The following NDUFAF6 variants were observed in gnomAD, a reference collection of about 807,000 sequenced individuals.
NDUFAF6 encodes the protein NADH dehydrogenase (ubiquinone) complex I, assembly factor 6.
NDUFAF6 carries 45 observed loss-of-function variants against 40.8 expected under a neutral mutation model. The ratio of observed to expected loss-of-function variants is 1.10; its 90% CI spans 0.87 to 1.42. The LOEUF is 1.42. Among genes scored for constraint, NDUFAF6 ranks in the 40% most tolerant of loss-of-function variants. NDUFAF6 has a pLI of 0.00. For synonymous variants in NDUFAF6, 185 were observed against 155.9 expected (o/e 1.19, Z -1.39); for missense variants, 435 against 418.5 (o/e 1.04, Z -0.34).
chr8:94,999,210 G>A (rs1260976919), intron 2 of NDUFAF6, among the ~76,000 whole-genome samples: 6 of 144,884 alleles, frequency 4.1e-5, no homozygotes, highest in Admixed American at 7.1e-5. Flanking sequence ...TGCAACCTCC[G>A]CCTCCCTGGT....
At chr8:94,992,888 C>T (rs1474467061) in intron 2 of NDUFAF6, among the ~76,000 whole-genome samples, 3 of 152,204 alleles carry the variant, frequency 2.0e-5, no homozygotes, top group Non-Finnish European at 2.9e-5. Flanking sequence ...GAACCCCAAA[C>T]CACAAGGAGT....
At chr8:95,028,897 C>T (rs1404549469) in intron 1 of NDUFAF6, among the ~76,000 whole-genome samples, 2 of 152,162 alleles carry the variant, frequency 1.3e-5, no homozygotes, top group Non-Finnish European at 2.9e-5. Flanking sequence ...AGCTGCTTTG[C>T]CTTCGCTGTC....
intron 1 of NDUFAF6, chr8:94,932,066 T>A (rs1327747428): frequency 6.2e-7 from 1 of 1,609,460 alleles, no homozygotes; most frequent in Admixed American, 1.7e-5. Context: ...GTGAATATAC[T>A]TACTCTGTGC....
rs545447695 is a variant in NDUFAF6 at position 95,081,922 on chromosome 8, C to T, written n.213+6170C>T. 1.7e-4 allele frequency among the ~76,000 whole-genome samples: 26 copies of T among 152,228 alleles called. No homozygotes were observed. The South Asian group carries it at 5.0e-3, about 29-fold the overall frequency. On this transcript the variant is annotated intron_variant and non_coding_transcript_variant, in intron 2 of 5. Coordinates refer to the NDUFAF6 transcript ENST00000523184. ...TAAAAAATCCAAAAATAAAATTAGC[C>T]GGGCGTGGTGGCGGGCACCTGTAAT...
intron 2 of NDUFAF6, among the ~76,000 whole-genome samples, chr8:95,092,021 A>C (rs1384182803): frequency 6.7e-6 from 1 of 149,402 alleles, no homozygotes; most frequent in Non-Finnish European, 1.5e-5. Context: ...GGCAGATGTC[A>C]TTTACCTGTC....
chr8:94,962,187 A>G (rs942746022), intron 1 of NDUFAF6, among the ~76,000 whole-genome samples: 6 of 152,240 alleles, frequency 3.9e-5, no homozygotes, highest in African/African-American at 1.2e-4. Context: ...CAGGTACACA[A>G]TGCTCAGAGG....
intron 2 of NDUFAF6, among the ~76,000 whole-genome samples, chr8:95,018,155 C>T (rs1231735026): frequency 6.6e-6 from 1 of 151,928 alleles, no homozygotes; most frequent in Non-Finnish European, 1.5e-5. Context: ...ATCCCTCCAA[C>T]TCAGCCTTTG....
intron 1 of NDUFAF6, among the ~76,000 whole-genome samples, chr8:94,970,864 A>G (rs1824406473): frequency 6.6e-6 from 1 of 152,210 alleles, no homozygotes; most frequent in Non-Finnish European, 1.5e-5. Context: ...ACACAGGAAG[A>G]CTGACTACCA....
upstream of NDUFAF6, among the ~76,000 whole-genome samples, chr8:95,097,094 T>C (rs977767435): frequency 6.6e-6 from 1 of 152,228 alleles, no homozygotes; most frequent in Non-Finnish European, 1.5e-5. Context: ...GACTCATTTG[T>C]ACGTTTTCAT....
intron 1 of NDUFAF6, among the ~76,000 whole-genome samples, chr8:94,904,321 T>TC (rs1491362808): frequency 0.017 from 362 of 21,296 alleles, 10 homozygotes; most frequent in Non-Finnish European, 0.026. Flanking sequence ...TTTTTTTTGC[T>TC]TTTTTTTTTT....
At chr8:95,095,377 A>T (rs1049141276) in intron 2 of NDUFAF6, among the ~76,000 whole-genome samples, 2 of 152,138 alleles carry the variant, frequency 1.3e-5, no homozygotes, top group Non-Finnish European at 2.9e-5. Flanking sequence ...CAGTCATCCG[A>T]ATGGGATCCA....
At chr8:94,912,586 A>C (rs1339951735) in intron 1 of NDUFAF6, among the ~76,000 whole-genome samples, 1 of 152,052 alleles carries the variant, frequency 6.6e-6, no homozygotes, top group Non-Finnish European at 1.5e-5. Flanking sequence ...CACGAGGTCA[A>C]GTGATTGAGA....
At chr8:95,088,091 C>T (rs1348291824) in intron 2 of NDUFAF6, among the ~76,000 whole-genome samples, 2 of 152,228 alleles carry the variant, frequency 1.3e-5, no homozygotes, top group Admixed American at 6.5e-5. Flanking sequence ...CTCGCCACCC[C>T]CATGAGGTTG....
chr8:94,933,287 C>A (rs1488807372), intron 1 of NDUFAF6, among the ~76,000 whole-genome samples: 1 of 152,072 alleles, frequency 6.6e-6, no homozygotes, highest in Non-Finnish European at 1.5e-5. Flanking sequence ...GTTTTACTAT[C>A]CCTATATAAC....
intron 1 of NDUFAF6, chr8:94,929,654 T>G (rs531811219): frequency 6.6e-6 from 1 of 152,170 alleles, no homozygotes; most frequent in South Asian, 2.1e-4. Context: ...TGATGCGAGG[T>G]GAGGAGTGGA....
chr8:94,921,695 A>G (rs969026928), intron 1 of NDUFAF6, among the ~76,000 whole-genome samples: 3 of 152,206 alleles, frequency 2.0e-5, no homozygotes, highest in African/African-American at 7.2e-5. Flanking sequence ...ATGCAAAGAA[A>G]CCATCTGGGG....
intron 9 of NDUFAF6, among the ~76,000 whole-genome samples, chr8:95,070,572 G>A (rs904598462): frequency 2.0e-5 from 3 of 152,192 alleles, no homozygotes; most frequent in Admixed American, 6.5e-5. Flanking sequence ...TTCTAAAAAT[G>A]AGTGTTGAGT....
At chr8:95,108,430 G>A (rs573257387), downstream of NDUFAF6, among the ~76,000 whole-genome samples, 12 of 152,120 alleles carry the variant, frequency 7.9e-5, no homozygotes, top group Non-Finnish European at 1.8e-4. Context: ...CAAAGACATT[G>A]TACTAAGTAA....
chr8:95,075,245 G>A (rs2599704), intron 9 of NDUFAF6, among the ~76,000 whole-genome samples: 88,494 of 152,084 alleles, frequency 0.58, 26,040 homozygotes, highest in East Asian at 0.8. Flanking sequence ...GACACAAGAC[G>A]TGACAAATGA....
Sources: gnomAD v4.1 joint callset for allele counts (sites outside exome capture counted in the v4.1 genomes callset) on GRCh38, gnomAD v4.1.1 for gene constraint, MANE v1.5 for transcripts, NCBI Gene and HGNC (gene_info 2026-07-23, HGNC 2026-07-21) for gene names.